Variants in SDK1 observed in about 807,000 individuals in gnomAD.
SDK1 encodes sidekick cell adhesion molecule 1, also known as protein sidekick-1.
Under a neutral mutation model 245.5 loss-of-function variants are expected in SDK1, and 157 were observed. The observed-to-expected ratio is 0.64, with a 90% confidence interval of 0.56 to 0.73. The LOEUF is 0.73. SDK1 is among the 30% of genes least tolerant of loss of function. The pLI is 0.00. For synonymous variants in SDK1, 1,647 were observed against 1,278.5 expected (o/e 1.29, Z -6.15); for missense variants, 3,583 against 3,002.3 (o/e 1.19, Z -4.52).
chr7:3,965,781 A>T (rs924548342), intron 9 of SDK1, among the ~76,000 whole-genome samples: 4 of 151,972 alleles, frequency 2.6e-5, no homozygotes, highest in Non-Finnish European at 4.4e-5. Context: ...GGCCTCCCCC[A>T]GACAGTGTGG....
At chr7:3,317,180 CAAAAAAAAAAAAAA>C (rs57138474) in intron 1 of SDK1, among the ~76,000 whole-genome samples, 2 of 32,712 alleles carry the variant, frequency 6.1e-5, no homozygotes, top group African/African-American at 2.1e-4. Context: ...GACTCTGTCT[CAAAAAAAAAAAAAA>C]AAAAAAAAAA....
chr7:3,597,510 C>T (rs567871874), intron 1 of SDK1, among the ~76,000 whole-genome samples: 2 of 152,240 alleles, frequency 1.3e-5, no homozygotes, highest in Admixed American at 1.3e-4. Context: ...CTGTTGGTTA[C>T]TTCAGGTTGC....
chr7:4,074,363 T>G (rs751720358), intron 20 of SDK1, among the ~76,000 whole-genome samples: 7 of 152,204 alleles, frequency 4.6e-5, no homozygotes, highest in Non-Finnish European at 8.8e-5. Flanking sequence ...ATGTATCCAT[T>G]ATTTCCTTCA....
intron 4 of SDK1, among the ~76,000 whole-genome samples, chr7:3,703,713 C>G (rs929118926): frequency 2.0e-5 from 3 of 152,144 alleles, no homozygotes; most frequent in Admixed American, 6.5e-5. Flanking sequence ...TCCTATGAAT[C>G]TATAATTATT....
At chr7:3,956,768 G>C (rs1214642622) in intron 7 of SDK1, among the ~76,000 whole-genome samples, 1 of 152,022 alleles carries the variant, frequency 6.6e-6, no homozygotes, top group African/African-American at 2.4e-5. Context: ...CTAGGGTGGA[G>C]AGAGGTCACC....
chr7:3,593,105 G>A (rs1780937221), intron 1 of SDK1, among the ~76,000 whole-genome samples: 1 of 152,156 alleles, frequency 6.6e-6, no homozygotes. Context: ...TATTTAACTT[G>A]GTGCAGTATC....
intron 1 of SDK1, among the ~76,000 whole-genome samples, chr7:3,438,227 T>C (rs1780086567): frequency 6.6e-6 from 1 of 152,254 alleles, no homozygotes; most frequent in African/African-American, 2.4e-5. Context: ...TGCTAAGACC[T>C]ATATTATTTT....
intron 2 of SDK1, among the ~76,000 whole-genome samples, chr7:3,623,102 C>T (rs1409791369): frequency 6.6e-6 from 1 of 152,116 alleles, no homozygotes. Context: ...CCTTATTTTT[C>T]CCCACTTTGG....
chr7:3,497,249 C>T (rs1195815586), intron 1 of SDK1, among the ~76,000 whole-genome samples: 2 of 152,144 alleles, frequency 1.3e-5, no homozygotes, highest in South Asian at 2.1e-4. Flanking sequence ...TGGTTTGCCC[C>T]TAAGGTAGGC....
intron 2 of SDK1, among the ~76,000 whole-genome samples, chr7:3,623,881 G>A (rs1160075545): frequency 6.6e-6 from 1 of 152,064 alleles, no homozygotes; most frequent in African/African-American, 2.4e-5. Context: ...CAATTTCTAT[G>A]ACAATATAAA....
At chr7:3,886,982 T>G (rs1781353253) in intron 5 of SDK1, among the ~76,000 whole-genome samples, 1 of 152,214 alleles carries the variant, frequency 6.6e-6, no homozygotes, top group Non-Finnish European at 1.5e-5. Flanking sequence ...CAGCCTACTC[T>G]GAAGAGAAAC....
chr7:3,551,813 T>C (rs1779424048), intron 1 of SDK1, among the ~76,000 whole-genome samples: 1 of 152,092 alleles, frequency 6.6e-6, no homozygotes, highest in Non-Finnish European at 1.5e-5. Flanking sequence ...AGAGTTGAGA[T>C]TACAGGCATG....
chr7:3,792,973 CT>C (rs1276940350), intron 4 of SDK1, among the ~76,000 whole-genome samples: 1 of 152,146 alleles, frequency 6.6e-6, no homozygotes, highest in Non-Finnish European at 1.5e-5. Flanking sequence ...TAACTCAAGC[CT>C]TTCACATAAG....
intron 4 of SDK1, among the ~76,000 whole-genome samples, chr7:3,707,743 A>G (rs182184391): frequency 3.0e-4 from 45 of 152,328 alleles, no homozygotes; most frequent in African/African-American, 1.0e-3. Context: ...TGTTAAATGC[A>G]TAGAAACTTA....
intron 22 of SDK1, among the ~76,000 whole-genome samples, chr7:4,088,664 A>G (rs377372892): frequency 6.6e-6 from 1 of 152,092 alleles, no homozygotes; most frequent in African/African-American, 2.4e-5. Flanking sequence ...GGTGGTTCAC[A>G]CTGCCCTTCT....
intron 1 of SDK1, among the ~76,000 whole-genome samples, chr7:3,409,617 G>C (rs954805075): frequency 1.3e-4 from 20 of 152,190 alleles, no homozygotes; most frequent in Admixed American, 1.1e-3. Context: ...GGAGAGGGAA[G>C]TCCACGTAGG....
intron 1 of SDK1, among the ~76,000 whole-genome samples, chr7:3,613,237 A>G (rs756873717): frequency 1.9e-4 from 29 of 152,200 alleles, no homozygotes; most frequent in Admixed American, 3.9e-4. Context: ...AGGATGAGGT[A>G]GTAGGCTCCA....
At chr7:4,244,870 G>A (rs532611596) in intron 43 of SDK1, among the ~76,000 whole-genome samples, 80 of 152,328 alleles carry the variant, frequency 5.3e-4, no homozygotes, top group African/African-American at 1.7e-3. Context: ...ATGTCCTGGA[G>A]GCCGCTCATG....
intron 1 of SDK1, among the ~76,000 whole-genome samples, chr7:3,558,224 G>C (rs1047300749): frequency 6.6e-6 from 1 of 152,212 alleles, no homozygotes; most frequent in Non-Finnish European, 1.5e-5. Context: ...AGCAAAATGG[G>C]AGATTTCTGG....
Sources: gnomAD v4.1 joint callset for allele counts (sites outside exome capture counted in the v4.1 genomes callset) on GRCh38, gnomAD v4.1.1 for gene constraint, MANE v1.5 for transcripts, NCBI Gene and HGNC (gene_info 2026-07-23, HGNC 2026-07-21) for gene names.